Variants in BEND7 observed in about 807,000 individuals in gnomAD.
BEND7 encodes BEN domain-containing protein 7.
BEND7 carries 28 observed loss-of-function variants against 50.9 expected under a neutral mutation model. The observed-to-expected ratio is 0.55, with a 90% CI of 0.41 to 0.75. The LOEUF (loss-of-function observed/expected upper bound fraction) is 0.75, where lower values mean the gene tolerates loss of function less well. Among genes scored for constraint, BEND7 ranks in the 30% least tolerant of loss-of-function variants. The probability of loss-of-function intolerance (pLI) is 0.00; values close to 1 mark genes in which losing one functional copy is unlikely to be tolerated. For synonymous variants in BEND7, 170 were observed against 183.9 expected (o/e 0.92, Z 0.61); for missense variants, 477 against 491.3 (o/e 0.97, Z 0.28).
chr10:13,440,606 C>G (rs1283245961), downstream of BEND7, among the ~76,000 whole-genome samples: 2 of 152,352 alleles, frequency 1.3e-5, no homozygotes, highest in Non-Finnish European at 2.9e-5. Context: ...GGGGACAGAG[C>G]ACGCCCGCGG....
At chr10:13,523,604 C>T (rs1372556713) in intron 2 of BEND7, among the ~76,000 whole-genome samples, 1 of 152,132 alleles carries the variant, frequency 6.6e-6, no homozygotes, top group African/African-American at 2.4e-5. Context: ...GTACCAAACC[C>T]CCTTGGATGT....
chr10:13,449,353 C>A (rs567655453), intron 7 of BEND7, among the ~76,000 whole-genome samples: 1 of 152,196 alleles, frequency 6.6e-6, no homozygotes, highest in South Asian at 2.1e-4. Flanking sequence ...TAAATGCTCA[C>A]GGGGCACTTG....
Position 13,457,637 on chromosome 10 carries a change from T to C in BEND7, c.1064-4979A>G, listed in dbSNP as rs114801879. Reference sequence around the variant, plus strand: ...CGAAATCCTATTCCCTCCATTATGATAGCAGATGAGGCCTCAAGGACAAGG... The same window carrying C: ...CGAAATCCTATTCCCTCCATTATGACAGCAGATGAGGCCTCAAGGACAAGG... On this transcript the variant is annotated intron_variant, in intron 6 of 8. Coordinates refer to ENST00000466271, the MANE Select transcript of BEND7 (RefSeq NM_001369863.1). Among the ~76,000 whole-genome samples, 526 of 152,322 alleles carry C rather than the reference T, an allele frequency of 3.5e-3. 4 individuals carry two copies. Among genetic ancestry groups the C allele is most frequent in the African/African-American group, 0.012 (495 of 41,574 alleles).
chr10:13,456,242 G>A (rs1482721619), intron 6 of BEND7, among the ~76,000 whole-genome samples: 2 of 152,166 alleles, frequency 1.3e-5, no homozygotes, highest in Admixed American at 6.5e-5. Context: ...GCAGGCAGGG[G>A]TCATGCAGCT....
At chr10:13,450,051 C>T (rs966623210) in intron 7 of BEND7, among the ~76,000 whole-genome samples, 2 of 152,190 alleles carry the variant, frequency 1.3e-5, no homozygotes, top group African/African-American at 4.8e-5. Flanking sequence ...AGAAAATCAT[C>T]TGATGGCAAT....
At position 13,441,741 on chromosome 10, in the gene BEND7, C is replaced by A. The variant is rs1835356716; in HGVS notation, c.*2G>T. On this transcript the variant is annotated 3_prime_UTR_variant, in exon 9 of 9. Transcript: ENST00000466271. ...ACAAGAGCTGTGGTTTGCAGTCCTT[C>A]ATCAGACCACTTGAGAAAACAAAGG... is the stretch of plus-strand genomic sequence containing the variant. The A allele has an allele frequency of 6.2e-7, 1 of 1,613,908 alleles. No individual in the cohort carries two copies. The highest frequency in any genetic ancestry group is 8.5e-7 in the Non-Finnish European group (1 of 1,179,952).
intron 6 of BEND7, among the ~76,000 whole-genome samples, chr10:13,456,907 G>T (rs936573592): frequency 6.6e-6 from 1 of 152,132 alleles, no homozygotes; most frequent in African/African-American, 2.4e-5. Flanking sequence ...AAGAAGCAAG[G>T]TCTTATTGCC....
chr10:13,452,979 T>C lies in BEND7; in HGVS notation c.1064-321A>G, dbSNP rs184005674. ...AAGAAAATGCTTCCTAAGGGTCTAC[T>C]GACCTTATGACAAGGTTTAGCAAAC... On this transcript the variant is annotated intron_variant, in intron 6 of 8. Coordinates refer to ENST00000466271, the MANE Select transcript of BEND7 (RefSeq NM_001369863.1). 1.2e-3 allele frequency among the ~76,000 whole-genome samples: 180 copies of C among 152,356 alleles called. 5 individuals are homozygous for C. In the South Asian group the frequency reaches 0.03, roughly 26 times the overall value.
intron 2 of BEND7, among the ~76,000 whole-genome samples, chr10:13,517,205 T>C (rs927584248): frequency 1.3e-5 from 2 of 152,032 alleles, no homozygotes; most frequent in South Asian, 2.1e-4. Flanking sequence ...GTTGGGACTA[T>C]GCAGCATGAC....
intron 3 of BEND7, 120 bp from the exon 4 acceptor site, chr10:13,497,008 T>C: frequency 7.9e-7 from 1 of 1,259,366 alleles, no homozygotes; most frequent in South Asian, 1.6e-5. Flanking sequence ...TGTGCAATTA[T>C]GATGAAGCTG....
At chr10:13,484,067 T>A (rs2076053105) in intron 5 of BEND7, among the ~76,000 whole-genome samples, 1 of 152,342 alleles carries the variant, frequency 6.6e-6, no homozygotes, top group South Asian at 2.1e-4. Flanking sequence ...TCTTTCCAGA[T>A]CAAGGAACAT....
chr10:13,496,076 A>G (rs1453946913), intron 4 of BEND7, among the ~76,000 whole-genome samples: 2 of 152,212 alleles, frequency 1.3e-5, no homozygotes, highest in Non-Finnish European at 2.9e-5. Flanking sequence ...ACACTAATGA[A>G]ACAGCTTAGG....
intron 7 of BEND7, 31 bp from the exon 8 acceptor site, chr10:13,447,347 C>T (rs753919409): frequency 6.2e-7 from 1 of 1,612,156 alleles, no homozygotes; most frequent in Non-Finnish European, 8.5e-7. Flanking sequence ...ACACAAATCT[C>T]ATTAGTTCCA....
chr10:13,471,134 T>C (rs1439015304), intron 6 of BEND7, among the ~76,000 whole-genome samples: 2 of 152,222 alleles, frequency 1.3e-5, no homozygotes, highest in African/African-American at 2.4e-5. Context: ...TAGACATTTG[T>C]CATTTATTTT....
chr10:13,489,557 C>CTATTAT (rs749426377), intron 5 of BEND7, among the ~76,000 whole-genome samples: 2 of 151,788 alleles, frequency 1.3e-5, no homozygotes, highest in African/African-American at 2.4e-5. Context: ...AATACTATTA[C>CTATTAT]TATTATTATT....
Position 13,528,547 on chromosome 10 carries a change from C to G in BEND7, c.-14G>C. 9.8e-7 allele frequency: 1 copy of G among 1,019,546 alleles called. No individual in the cohort carries two copies. The highest frequency in any genetic ancestry group is 1.2e-6 in the Non-Finnish European group (1 of 853,030). The allele number at this position is 1,019,546 out of a possible 1,614,324, so 63.2% of individuals were successfully genotyped here. On this transcript the variant is annotated 5_prime_UTR_variant, in exon 1 of 9. Coordinates refer to ENST00000466271, the MANE Select transcript of BEND7 (RefSeq NM_001369863.1). The stretch of plus-strand genomic sequence containing the variant: ...GGAGAACTCCATGGTGCGGGGAAGG[C>G]GGCGGCGGGGGCTGAGGAGGCGGCG...
At chr10:13,507,574 CTTAA>C (rs2077987510) in intron 2 of BEND7, among the ~76,000 whole-genome samples, 1 of 152,178 alleles carries the variant, frequency 6.6e-6, no homozygotes, top group African/African-American at 2.4e-5. Context: ...CACTGAGTGA[CTTAA>C]TTATCTCTAA....
At position 13,497,870 on chromosome 10, in the gene BEND7, T is replaced by C. The variant is rs539769160; in HGVS notation, c.449-982A>G. Reference sequence around the variant, plus strand: ...TATACTTTATATACCTTAAATCCTGTAATATGCATTATTTAGGAATACTAT... The same window carrying C: ...TATACTTTATATACCTTAAATCCTGCAATATGCATTATTTAGGAATACTAT... On this transcript the variant is annotated intron_variant, in intron 3 of 8. Transcript: ENST00000466271. 5.3e-5 allele frequency among the ~76,000 whole-genome samples: 8 copies of C among 152,264 alleles called. 1 individual carries two copies. Among genetic ancestry groups the C allele is most frequent in the African/African-American group, 1.9e-4 (8 of 41,556 alleles).
intron 6 of BEND7, among the ~76,000 whole-genome samples, chr10:13,475,200 T>C (rs1010902916): frequency 2.0e-5 from 3 of 152,192 alleles, no homozygotes; most frequent in South Asian, 4.1e-4. Context: ...GAGTTACAAA[T>C]ACAGCCAAGA....
Sources: allele counts gnomAD v4.1 joint callset (sites outside exome capture counted in the v4.1 genomes callset), GRCh38; gene constraint gnomAD v4.1.1; transcripts MANE v1.5; gene names NCBI Gene and HGNC (gene_info 2026-07-23, HGNC 2026-07-21).